Variants in ANO4 observed in about 807,000 individuals in gnomAD.
ANO4 encodes the protein anoctamin-4.
Under a neutral mutation model 141.9 loss-of-function variants are expected in ANO4, and 69 were observed. That is an observed-to-expected ratio of 0.49 (90% CI 0.40 to 0.59). ANO4 has a LOEUF of 0.59. ANO4 is among the 20% of genes least tolerant of loss of function. The probability of loss-of-function intolerance (pLI) is 0.00; values close to 1 mark genes in which losing one functional copy is unlikely to be tolerated. For synonymous variants in ANO4, 350 were observed against 394.3 expected (o/e 0.89, Z 1.33); for missense variants, 894 against 1,162.2 (o/e 0.77, Z 3.36).
chr12:100,921,510 T>C (rs1279104515), intron 2 of ANO4, among the ~76,000 whole-genome samples: 2 of 152,166 alleles, frequency 1.3e-5, no homozygotes, highest in Admixed American at 6.6e-5. Context: ...CTGATTACTT[T>C]AAGAAGCTTT....
chr12:101,081,027 G>A (rs1396174404), intron 15 of ANO4, among the ~76,000 whole-genome samples: 1 of 138,986 alleles, frequency 7.2e-6, no homozygotes, highest in East Asian at 2.8e-4. Flanking sequence ...ATGTGAGTGT[G>A]TGTATGTGTG....
At chr12:101,076,314 G>T (rs627516) in intron 14 of ANO4, among the ~76,000 whole-genome samples, 10 of 151,922 alleles carry the variant, frequency 6.6e-5, no homozygotes, top group Non-Finnish European at 1.5e-4. Context: ...ACAGCTGGCA[G>T]GTGCCATCTA....
intron 3 of ANO4, among the ~76,000 whole-genome samples, chr12:100,748,830 C>T (rs1314621998): frequency 2.0e-5 from 3 of 151,980 alleles, no homozygotes; most frequent in Non-Finnish European, 4.4e-5. Context: ...CTTCCTACTT[C>T]CCTTTCTGCT....
chr12:101,066,893 A>G, intron 14 of ANO4: 1 of 909,936 alleles, frequency 1.1e-6, no homozygotes, highest in Non-Finnish European at 1.9e-6. Flanking sequence ...CACAAAGACC[A>G]CACTGCCCAC....
At chr12:101,033,497 G>A (rs919263797) in intron 9 of ANO4, among the ~76,000 whole-genome samples, 1 of 151,752 alleles carries the variant, frequency 6.6e-6, no homozygotes, top group Non-Finnish European at 1.5e-5. Flanking sequence ...AACTCAAGAT[G>A]GATTAAAGAC....
chr12:101,047,783 A>T (rs2047690401), intron 13 of ANO4, among the ~76,000 whole-genome samples: 1 of 152,168 alleles, frequency 6.6e-6, no homozygotes, highest in Admixed American at 6.5e-5. Context: ...TGCAGTAGGT[A>T]AATATAGTGA....
At chr12:101,026,384 C>T (rs1311208955) in intron 9 of ANO4, among the ~76,000 whole-genome samples, 1 of 152,100 alleles carries the variant, frequency 6.6e-6, no homozygotes, top group Admixed American at 6.6e-5. Context: ...TTTAAGAAGA[C>T]CCAATAAATG....
chr12:100,777,453 A>G (rs1261980325), intron 3 of ANO4, among the ~76,000 whole-genome samples: 3 of 151,036 alleles, frequency 2.0e-5, no homozygotes, highest in Admixed American at 6.6e-5. Flanking sequence ...TTCATTTTTT[A>G]TACTGTTTGC....
intron 4 of ANO4, among the ~76,000 whole-genome samples, chr12:100,940,953 A>G (rs2042485625): frequency 1.3e-5 from 2 of 152,148 alleles, no homozygotes; most frequent in South Asian, 2.1e-4. Context: ...TGTAACTTCT[A>G]TGTAAGTTAC....
At chr12:101,067,440 T>C (rs2048639162) in intron 14 of ANO4, among the ~76,000 whole-genome samples, 1 of 152,224 alleles carries the variant, frequency 6.6e-6, no homozygotes, top group Non-Finnish European at 1.5e-5. Context: ...CCTAACACTT[T>C]GGGAAGCTGA....
intron 1 of ANO4, among the ~76,000 whole-genome samples, chr12:100,865,164 G>A (rs1350334043): frequency 6.6e-6 from 1 of 152,154 alleles, no homozygotes; most frequent in Non-Finnish European, 1.5e-5. Context: ...GGATTGCTGG[G>A]TCAAATGGTA....
At chr12:101,014,996 A>AT (rs10685175) in intron 8 of ANO4, among the ~76,000 whole-genome samples, 23,343 of 143,496 alleles carry the variant, frequency 0.16, 2,253 homozygotes, top group East Asian at 0.25. Flanking sequence ...CACCCAGCTA[A>AT]TTTTTTTTTT....
Position 100,980,369 on chromosome 12 carries a change from C to A in ANO4, c.602+5480C>A, listed in dbSNP as rs1047326969. Among the ~76,000 whole-genome samples, 13 of 152,300 alleles carry A rather than the reference C, an allele frequency of 8.5e-5. No individual in the cohort carries two copies. The East Asian group carries it at 9.7e-4, about 11-fold the overall frequency. On this transcript the variant is annotated intron_variant, in intron 7 of 27. Transcript: ENST00000392977. ...AAATGTTGCATCTACCTTAACTCTT[C>A]ATTTCACATCAGAACAGACTGATTT...
chr12:100,724,772 G>A (rs1334107130), intron 1 of ANO4, among the ~76,000 whole-genome samples: 1 of 152,162 alleles, frequency 6.6e-6, no homozygotes, highest in Non-Finnish European at 1.5e-5. Flanking sequence ...AGGGAGGTTA[G>A]GTGAGGAGAT....
At chr12:100,940,164 C>T (rs2042451241) in intron 4 of ANO4, among the ~76,000 whole-genome samples, 1 of 151,472 alleles carries the variant, frequency 6.6e-6, no homozygotes, top group South Asian at 2.1e-4. Flanking sequence ...ACCCCACAAA[C>T]ACCATATGCA....
At chr12:100,967,758 G>A (rs1372349031) in intron 5 of ANO4, among the ~76,000 whole-genome samples, 1 of 152,014 alleles carries the variant, frequency 6.6e-6, no homozygotes, top group Non-Finnish European at 1.5e-5. Flanking sequence ...CTTTATTTTT[G>A]TTGCTTTGTT....
At chr12:101,120,488 T>A in intron 25 of ANO4, 32 bp from the exon 26 acceptor site, 2 of 1,566,328 alleles carry the variant, frequency 1.3e-6, no homozygotes, top group Non-Finnish European at 8.8e-7. Context: ...AAAATCATAG[T>A]TTGAATGCAA....
chr12:100,881,684 G>A (rs2039576847), intron 1 of ANO4, among the ~76,000 whole-genome samples: 1 of 152,166 alleles, frequency 6.6e-6, no homozygotes. Flanking sequence ...TGAGGGTGTT[G>A]GAGCAGACGA....
intron 17 of ANO4, among the ~76,000 whole-genome samples, chr12:101,088,948 GT>G (rs2049625663): frequency 6.6e-6 from 1 of 152,108 alleles, no homozygotes; most frequent in African/African-American, 2.4e-5. Flanking sequence ...GTAAAACAAT[GT>G]ACATAGAGTG....
Sources: gnomAD v4.1 joint callset for allele counts (sites outside exome capture counted in the v4.1 genomes callset) on GRCh38, gnomAD v4.1.1 for gene constraint, MANE v1.5 for transcripts, NCBI Gene and HGNC (gene_info 2026-07-23, HGNC 2026-07-21) for gene names.